The following GRIN2B variants were observed in gnomAD, a reference collection of about 807,000 sequenced individuals.
GRIN2B encodes glutamate receptor ionotropic, NMDA 2B.
GRIN2B carries 5 observed loss-of-function variants against 114.5 expected under a neutral mutation model. The ratio of observed to expected loss-of-function variants is 0.04; its 90% CI spans 0.02 to 0.09. The LOEUF is 0.09. Among genes scored for constraint, GRIN2B ranks in the 10% least tolerant of loss-of-function variants. The pLI is 1.00. For missense variants in GRIN2B, 1,108 were observed against 1,943.5 expected (o/e 0.57, Z 8.08); for synonymous variants, 787 against 745.1 (o/e 1.06, Z -0.92).
At chr12:13,801,864 T>G (rs1051355469) in intron 3 of GRIN2B, among the ~76,000 whole-genome samples, 1 of 152,240 alleles carries the variant, frequency 6.6e-6, no homozygotes, top group East Asian at 1.9e-4. Flanking sequence ...CCCTGGGAAC[T>G]GCTCTGAGCT....
chr12:13,598,336 C>G (rs1289375933), intron 10 of GRIN2B, among the ~76,000 whole-genome samples: 2 of 152,200 alleles, frequency 1.3e-5, no homozygotes, highest in Non-Finnish European at 2.9e-5. Context: ...AAAAACACCT[C>G]CCTCGACCTC....
intron 8 of GRIN2B, among the ~76,000 whole-genome samples, chr12:13,612,808 C>T (rs907199033): frequency 6.6e-6 from 1 of 152,212 alleles, no homozygotes; most frequent in Non-Finnish European, 1.5e-5. Context: ...TGATACAATG[C>T]TCCCTCAATT....
At chr12:13,817,769 C>A (rs781382645) in intron 3 of GRIN2B, among the ~76,000 whole-genome samples, 26 of 152,232 alleles carry the variant, frequency 1.7e-4, no homozygotes, top group Non-Finnish European at 2.2e-4. Flanking sequence ...GGTTTCCAAC[C>A]GCTCAGGAAT....
Position 13,566,995 on chromosome 12 carries a change from A to G in GRIN2B, c.2598+30T>C, listed in dbSNP as rs201844759. 2.7e-6 allele frequency: 4 copies of G among 1,464,714 alleles called. No individual in the cohort carries two copies. In the South Asian group the frequency reaches 4.5e-5, roughly 17 times the overall value. 90.7% of individuals were successfully genotyped at this position (1,464,714 alleles called of 1,614,324 possible). A position where few individuals can be genotyped will look rare whatever the true frequency, so the allele number is the denominator to read the frequency against. On this transcript the variant is annotated intron_variant, in intron 13 of 13. Transcript: ENST00000609686. Reference sequence around the variant, plus strand: ...GTGCTAGGCTAAGCTGTCCCTAACAAGCTTTAGGCATTTAAATCAAAACAC... The same window carrying G: ...GTGCTAGGCTAAGCTGTCCCTAACAGGCTTTAGGCATTTAAATCAAAACAC...
intron 3 of GRIN2B, among the ~76,000 whole-genome samples, chr12:13,830,652 A>G (rs1037984276): frequency 6.6e-6 from 1 of 152,226 alleles, no homozygotes; most frequent in African/African-American, 2.4e-5. Context: ...CATTTTATAT[A>G]TATGTACACC....
intron 4 of GRIN2B, among the ~76,000 whole-genome samples, chr12:13,703,526 A>G (rs1950330190): frequency 6.6e-6 from 1 of 152,230 alleles, no homozygotes; most frequent in South Asian, 2.1e-4. Flanking sequence ...AGAAATATAT[A>G]TCAATTATAC....
intron 4 of GRIN2B, among the ~76,000 whole-genome samples, chr12:13,748,654 A>C (rs1385323774): frequency 1.3e-5 from 2 of 152,224 alleles, no homozygotes; most frequent in Admixed American, 1.3e-4. Context: ...TTTCAATCAA[A>C]TAAAGTTATC....
At chr12:13,908,996 T>C (rs1161477079) in intron 2 of GRIN2B, among the ~76,000 whole-genome samples, 2 of 152,328 alleles carry the variant, frequency 1.3e-5, no homozygotes, top group Non-Finnish European at 2.9e-5. Context: ...CCTGGGATTG[T>C]GTGTCCACCA....
At chr12:13,910,261 T>G (rs899256816) in intron 2 of GRIN2B, among the ~76,000 whole-genome samples, 3 of 152,144 alleles carry the variant, frequency 2.0e-5, no homozygotes, top group Non-Finnish European at 4.4e-5. Flanking sequence ...GCATAGAGTC[T>G]TATAAAACTG....
intron 2 of GRIN2B, among the ~76,000 whole-genome samples, chr12:13,924,710 T>C (rs1036705179): frequency 2.0e-5 from 3 of 152,144 alleles, no homozygotes; most frequent in Non-Finnish European, 2.9e-5. Context: ...AAGAGGAATA[T>C]CTGTATCTTC....
At chr12:13,741,160 G>T (rs557854230) in intron 4 of GRIN2B, among the ~76,000 whole-genome samples, 1 of 152,252 alleles carries the variant, frequency 6.6e-6, no homozygotes, top group Non-Finnish European at 1.5e-5. Context: ...CTCCCAAGTA[G>T]CTGGGATTAC....
intron 3 of GRIN2B, among the ~76,000 whole-genome samples, chr12:13,818,035 T>C (rs1268669946): frequency 6.6e-6 from 1 of 152,214 alleles, no homozygotes; most frequent in Non-Finnish European, 1.5e-5. Flanking sequence ...TCAGCATGAC[T>C]CAAGAAATCA....
chr12:13,555,983 A>G lies in GRIN2B; in HGVS notation c.*6800T>C, dbSNP rs1948474851. ...TGGTGTAGTGAGATGGCAAGAGGAA[A>G]AAGGAATTGCCGGTGAGAATATTGC... On this transcript the variant is annotated 3_prime_UTR_variant, in exon 14 of 14. Transcript: ENST00000609686. 1 of 152,200 alleles carries G rather than the reference A, an allele frequency of 6.6e-6. No individual in the cohort carries two copies. Among genetic ancestry groups the G allele is most frequent in the Non-Finnish European group, 1.5e-5 (1 of 68,050 alleles). 9.4% of individuals were successfully genotyped at this position (152,200 alleles called of 1,614,324 possible).
chr12:13,829,068 T>G lies in GRIN2B; in HGVS notation c.411+36730A>C, dbSNP rs140638397. On this transcript the variant is annotated intron_variant, in intron 3 of 13. Transcript: ENST00000609686. ...CTGTTAACCCTTCCTAGGGTAATTC[T>G]ACCATAGAAGAGGCCATCACATAGG... is the stretch of plus-strand genomic sequence containing the variant. 3.8e-3 allele frequency among the ~76,000 whole-genome samples: 578 copies of G among 152,312 alleles called. 1 individual carries two copies. The highest frequency in any genetic ancestry group is 0.01 in the Middle Eastern group (3 of 294).
At chr12:13,928,847 A>G (rs547171757) in intron 2 of GRIN2B, among the ~76,000 whole-genome samples, 1 of 152,256 alleles carries the variant, frequency 6.6e-6, no homozygotes, top group Non-Finnish European at 1.5e-5. Context: ...GTAGTCAGTC[A>G]CTTAAACATA....
rs1949423140 is a variant in GRIN2B, at chr12:13,615,349, T to C, written c.1501-82A>G. On this transcript the variant is annotated intron_variant, in intron 7 of 13. Coordinates refer to ENST00000609686, the MANE Select transcript of GRIN2B (RefSeq NM_000834.5). This position sits in a 1 kb window ranked among gnomAD's most constrained non-coding sequence, Gnocchi z 5.8. ...CAAGGAAAATACAGCCTATCAGTGG[T>C]TTTCTTTGTATAGTGGGAACAATAC... 1.3e-6 allele frequency: 2 copies of C among 1,493,798 alleles called. No homozygotes were observed. Among genetic ancestry groups the C allele is most frequent in the South Asian group, 1.1e-5 (1 of 88,452 alleles). The allele number at this position is 1,493,798 out of a possible 1,614,324, so 92.5% of individuals were successfully genotyped here. A position where few individuals can be genotyped will look rare whatever the true frequency, so the allele number is the denominator to read the frequency against.
At chr12:13,882,215 G>GA (rs1249088245) in intron 2 of GRIN2B, among the ~76,000 whole-genome samples, 1 of 152,196 alleles carries the variant, frequency 6.6e-6, no homozygotes. Context: ...GAATGCTCTT[G>GA]AAGGGTAGGA....
chr12:13,612,489 C>T (rs569729058), intron 8 of GRIN2B, among the ~76,000 whole-genome samples: 57 of 152,146 alleles, frequency 3.7e-4, no homozygotes, highest in Non-Finnish European at 5.6e-4. Flanking sequence ...TATCCTTCCA[C>T]GTTAAATATT....
intron 10 of GRIN2B, among the ~76,000 whole-genome samples, chr12:13,575,000 C>CTGTT (rs1948755912): frequency 6.6e-6 from 1 of 152,166 alleles, no homozygotes; most frequent in Non-Finnish European, 1.5e-5. Context: ...AATTAGACAT[C>CTGTT]TGTTTGATAA....
Sources: allele counts gnomAD v4.1 joint callset (sites outside exome capture counted in the v4.1 genomes callset), GRCh38; gene constraint gnomAD v4.1.1; non-coding constraint Gnocchi (gnomAD v3.1); transcripts MANE v1.5; gene names NCBI Gene and HGNC (gene_info 2026-07-23, HGNC 2026-07-21).